WWP1: variants seen among roughly 807,000 people sequenced by gnomAD.
WWP1 encodes NEDD4-like E3 ubiquitin-protein ligase WWP1.
In WWP1, 49 loss-of-function variants were observed where a neutral mutation model predicts 130.6. The observed-to-expected ratio is 0.38, with a 90% CI of 0.30 to 0.48. The LOEUF (loss-of-function observed/expected upper bound fraction) is 0.48, where lower values mean the gene tolerates loss of function less well. Among genes scored for constraint, WWP1 ranks in the 20% least tolerant of loss-of-function variants. The pLI is 0.99. For synonymous variants in WWP1, 332 were observed against 367.8 expected (o/e 0.90, Z 1.11); for missense variants, 809 against 1,100.6 (o/e 0.74, Z 3.75).
chr8:86,428,365 G>A (rs1210654030), intron 11 of WWP1, among the ~76,000 whole-genome samples: 2 of 151,664 alleles, frequency 1.3e-5, no homozygotes, highest in Non-Finnish European at 1.5e-5. Flanking sequence ...GCAAACATCC[G>A]TGAGAGGAGT....
At chr8:86,390,947 C>T (rs888574983) in intron 5 of WWP1, among the ~76,000 whole-genome samples, 2 of 151,934 alleles carry the variant, frequency 1.3e-5, no homozygotes, top group African/African-American at 2.4e-5. Flanking sequence ...TCTATCTTTT[C>T]TGATATATTT....
intron 21 of WWP1, among the ~76,000 whole-genome samples, chr8:86,455,578 A>G (rs1805097956): frequency 6.6e-6 from 1 of 152,038 alleles, no homozygotes; most frequent in African/African-American, 2.4e-5. Flanking sequence ...AAGCATCAAA[A>G]AATGAGCAAA....
rs910112818 is a variant in WWP1, at chr8:86,349,146, C to T, written c.-115+6216C>T. Among the ~76,000 whole-genome samples, 6 of 152,128 alleles carry T rather than the reference C, an allele frequency of 3.9e-5. No individual in the cohort carries two copies. The East Asian group carries it at 5.8e-4, about 15-fold the overall frequency. On this transcript the variant is annotated intron_variant, in intron 1 of 24. Transcript: ENST00000517970. Reference sequence around the variant, plus strand: ...AAGCAATTCTCCTGCCTCAGCTTCCCGAGTAGCTGGGATTACAGGCGTGCA... The same window carrying T: ...AAGCAATTCTCCTGCCTCAGCTTCCTGAGTAGCTGGGATTACAGGCGTGCA...
intron 2 of WWP1, among the ~76,000 whole-genome samples, chr8:86,370,015 C>A (rs144931888): frequency 6.6e-6 from 1 of 152,112 alleles, no homozygotes; most frequent in South Asian, 2.1e-4. Context: ...CTAGATCAAT[C>A]CCAATATGGT....
Position 86,374,084 on chromosome 8 carries a change from A to G in WWP1, c.34A>G (p.Asn12Asp). Residue 12 changes from asparagine to aspartate, a missense_variant, in exon 3 of 25, where the codon AAT becomes GAT. Asn to Asp is a conservative substitution (Grantham distance 23). Coordinates refer to ENST00000517970, the MANE Select transcript of WWP1 (RefSeq NM_007013.4). ...TGCTTCACCAAGGTCTGATACTAGT[A>G]ATAACCACAGTGGAAGGTTGCAGTT... The part of the protein sequence containing the change: ...ATASPRSDTS[N>D]NHSGRLQLQV... The G allele has an allele frequency of 6.2e-7, 1 of 1,610,934 alleles. No homozygotes were observed. The highest frequency in any genetic ancestry group is 1.1e-5 in the South Asian group (1 of 90,344).
In WWP1 at chr8:86,342,785, G is replaced by A; in HGVS notation, c.-260G>A. 5.4e-6 allele frequency: 2 copies of A among 368,570 alleles called. No individual in the cohort carries two copies. The highest frequency in any genetic ancestry group is 9.7e-6 in the Non-Finnish European group (2 of 206,590). 22.8% of individuals were successfully genotyped at this position (368,570 alleles called of 1,614,324 possible). A position where few individuals can be genotyped will look rare whatever the true frequency, so the allele number is the denominator to read the frequency against. ...CGAGTGGCTGCTGGCGGCCTGGGCT[G>A]CCGGGGCCGACGCCTGGGTGGCTGC... is the stretch of plus-strand genomic sequence containing the variant. On this transcript the variant is annotated 5_prime_UTR_variant, in exon 1 of 25. Coordinates refer to ENST00000517970, the MANE Select transcript of WWP1 (RefSeq NM_007013.4).
chr8:86,400,277 AG>A (rs1242118679), intron 7 of WWP1, among the ~76,000 whole-genome samples: 1 of 151,950 alleles, frequency 6.6e-6, no homozygotes, highest in Admixed American at 6.6e-5. Context: ...GGTTGCAGTG[AG>A]CTGAGATCGC....
intron 18 of WWP1, among the ~76,000 whole-genome samples, chr8:86,447,414 G>A (rs1336877615): frequency 2.0e-5 from 3 of 152,124 alleles, no homozygotes; most frequent in East Asian, 3.9e-4. Context: ...CTACAGGCGC[G>A]TGCCACCATG....
At chr8:86,381,479 T>G (rs1447872614) in intron 4 of WWP1, 26 bp from the exon 5 acceptor site, 1 of 1,598,452 alleles carries the variant, frequency 6.3e-7, no homozygotes, top group Non-Finnish European at 8.5e-7. Context: ...ACTCCTGTAT[T>G]TTTGTTAATA....
intron 3 of WWP1, among the ~76,000 whole-genome samples, chr8:86,375,494 C>G (rs11787318): frequency 0.045 from 6,893 of 152,056 alleles, 220 homozygotes; most frequent in Middle Eastern, 0.13. Flanking sequence ...TAAGCAGATA[C>G]ATGTGCAGTA....
At chr8:86,401,395 A>C (rs1196670843) in intron 7 of WWP1, among the ~76,000 whole-genome samples, 2 of 152,008 alleles carry the variant, frequency 1.3e-5, no homozygotes, top group African/African-American at 4.8e-5. Flanking sequence ...TCCAGTCTCT[A>C]CAAAAATTTA....
At chr8:86,388,742 C>T (rs1825434375) in intron 5 of WWP1, among the ~76,000 whole-genome samples, 2 of 152,118 alleles carry the variant, frequency 1.3e-5, no homozygotes, top group African/African-American at 4.8e-5. Flanking sequence ...TTTATTTAAA[C>T]ATCTTGGTAG....
intron 8 of WWP1, among the ~76,000 whole-genome samples, chr8:86,403,134 G>C (rs982017512): frequency 6.6e-6 from 1 of 152,154 alleles, no homozygotes; most frequent in Non-Finnish European, 1.5e-5. Flanking sequence ...ACGTGTTTAA[G>C]ATTATTAGCA....
intron 18 of WWP1, among the ~76,000 whole-genome samples, chr8:86,446,665 G>A (rs1042613305): frequency 9.2e-5 from 14 of 152,160 alleles, no homozygotes; most frequent in Non-Finnish European, 1.3e-4. Context: ...TAGCACTCTA[G>A]TTTCATTCTT....
intron 7 of WWP1, among the ~76,000 whole-genome samples, chr8:86,401,549 TA>T (rs11329718): frequency 0.72 from 104,203 of 143,754 alleles, 37,941 homozygotes; most frequent in African/African-American, 0.81. Context: ...ATCCTGTCTC[TA>T]AAAAAAAAAA....
chr8:86,458,672 A>G (rs1586510647), intron 22 of WWP1, among the ~76,000 whole-genome samples: 1 of 152,130 alleles, frequency 6.6e-6, no homozygotes, highest in African/African-American at 2.4e-5. Flanking sequence ...TAGTGACTGG[A>G]CTTCTGGCTT....
rs1230976832 is a variant in WWP1, at chr8:86,409,226, CTTTTTTTTT to C, written c.725-2298_725-2290del. On this transcript the variant is annotated intron_variant, in intron 8 of 24. Transcript: ENST00000517970. ...TAATTTATTCTTTTTCTTTTTCTTT[CTTTTTTTTT>C]TTTTTTTTTTTTTCTTCAGACGGAG... is the stretch of plus-strand genomic sequence containing the variant. Among the ~76,000 whole-genome samples the C allele has an allele frequency of 1.9e-4, 19 of 100,490 alleles. No homozygotes were observed. The South Asian group carries it at 5.1e-3, about 27-fold the overall frequency. 65.9% of individuals were successfully genotyped at this position (100,490 alleles called of 152,430 possible).
intron 14 of WWP1, among the ~76,000 whole-genome samples, chr8:86,433,053 G>GT (rs1327020517): frequency 1.3e-5 from 2 of 152,122 alleles, no homozygotes; most frequent in African/African-American, 4.8e-5. Flanking sequence ...TCTTCACATT[G>GT]TTAATCCAGG....
intron 7 of WWP1, among the ~76,000 whole-genome samples, chr8:86,401,090 TTTG>T (rs1202560237): frequency 6.6e-6 from 1 of 152,022 alleles, no homozygotes; most frequent in Non-Finnish European, 1.5e-5. Flanking sequence ...AATGTTTGAT[TTTG>T]TTGTTAGTTA....
Sources: gnomAD v4.1 joint callset for allele counts (sites outside exome capture counted in the v4.1 genomes callset) on GRCh38, gnomAD v4.1.1 for gene constraint, MANE v1.5 for transcripts, NCBI Gene and HGNC (gene_info 2026-07-23, HGNC 2026-07-21) for gene names.